Variants in SPOCK1 observed in about 807,000 individuals in gnomAD.
SPOCK1 encodes the protein SPARC (osteonectin), cwcv and kazal like domains proteoglycan 1, also known as testican-1.
A neutral mutation model predicts 55.3 loss-of-function variants in SPOCK1; 23 were observed. The ratio of observed to expected loss-of-function variants is 0.42; its 90% CI spans 0.30 to 0.59. SPOCK1 has a LOEUF of 0.59. Among genes scored for constraint, SPOCK1 ranks in the 20% least tolerant of loss-of-function variants. SPOCK1 has a pLI of 0.22. For missense variants in SPOCK1, 499 were observed against 552.5 expected, an observed-to-expected ratio of 0.90 and a Z score of 0.97; for synonymous variants, 226 against 221.0, an observed-to-expected ratio of 1.02 and a Z score of -0.20.
At chr5:137,460,714 A>G (rs903234750) in intron 2 of SPOCK1, among the ~76,000 whole-genome samples, 1 of 151,956 alleles carries the variant, frequency 6.6e-6, no homozygotes, top group Non-Finnish European at 1.5e-5. Context: ...ATAGAATCCA[A>G]TTCCTTACAC....
At chr5:137,048,780 G>A (rs1391383354) in intron 6 of SPOCK1, among the ~76,000 whole-genome samples, 3 of 116,936 alleles carry the variant, frequency 2.6e-5, no homozygotes, top group South Asian at 3.6e-4. Context: ...GGCTGGTATC[G>A]GTTGTTCCTT....
At chr5:137,279,562 C>T (rs1757131323) in intron 2 of SPOCK1, among the ~76,000 whole-genome samples, 1 of 152,158 alleles carries the variant, frequency 6.6e-6, no homozygotes, top group Non-Finnish European at 1.5e-5. Context: ...TGACAAAAGG[C>T]CGTGAAGCAT....
chr5:137,376,563 GA>G (rs1016383319), intron 2 of SPOCK1, among the ~76,000 whole-genome samples: 2 of 152,202 alleles, frequency 1.3e-5, no homozygotes, highest in African/African-American at 4.8e-5. Context: ...TTTTAAAAGG[GA>G]AATTATATCC....
intron 2 of SPOCK1, among the ~76,000 whole-genome samples, chr5:137,317,649 T>C (rs1409945005): frequency 2.0e-5 from 3 of 152,226 alleles, no homozygotes; most frequent in African/African-American, 7.2e-5. Context: ...CTTCACCATG[T>C]CTGACACGTC....
At chr5:137,320,918 T>C (rs956806947) in intron 2 of SPOCK1, among the ~76,000 whole-genome samples, 1 of 152,026 alleles carries the variant, frequency 6.6e-6, no homozygotes, top group African/African-American at 2.4e-5. Context: ...AAATTGGTCC[T>C]AAAGAAAAAG....
intron 2 of SPOCK1, among the ~76,000 whole-genome samples, chr5:137,377,573 T>A (rs1751345883): frequency 6.6e-6 from 1 of 152,244 alleles, no homozygotes; most frequent in South Asian, 2.1e-4. Context: ...AACAATTTGT[T>A]CCTGTTATTT....
chr5:137,494,293 C>T (rs1754251236), intron 2 of SPOCK1, among the ~76,000 whole-genome samples: 1 of 152,124 alleles, frequency 6.6e-6, no homozygotes, highest in East Asian at 1.9e-4. Context: ...CACGGGTTGC[C>T]CTCATTCATA....
chr5:137,341,966 G>A (rs1750439990), intron 2 of SPOCK1, among the ~76,000 whole-genome samples: 1 of 152,240 alleles, frequency 6.6e-6, no homozygotes, highest in African/African-American at 2.4e-5. Flanking sequence ...GGACTTCTCT[G>A]ATCCTTTACC....
intron 2 of SPOCK1, among the ~76,000 whole-genome samples, chr5:137,491,962 A>G (rs923832820): frequency 2.0e-5 from 3 of 152,234 alleles, no homozygotes; most frequent in African/African-American, 7.2e-5. Context: ...TCCACTTGCT[A>G]TCTATGATGC....
intron 2 of SPOCK1, among the ~76,000 whole-genome samples, chr5:137,380,354 A>C (rs926149543): frequency 6.6e-6 from 1 of 152,232 alleles, no homozygotes; most frequent in Admixed American, 6.5e-5. Flanking sequence ...ATGCAATATA[A>C]AGGAGACAGA....
intron 7 of SPOCK1, among the ~76,000 whole-genome samples, chr5:136,990,175 A>G (rs12153729): frequency 0.78 from 118,808 of 152,042 alleles, 48,062 homozygotes; most frequent in Non-Finnish European, 0.9. Context: ...CTCCCAAAGT[A>G]CTGGGATTAC....
Position 137,265,319 on chromosome 5 carries a change from T to C in SPOCK1, c.232+1691A>G, listed in dbSNP as rs537930234. Among the ~76,000 whole-genome samples, 27 of 152,366 alleles carry C rather than the reference T, an allele frequency of 1.8e-4. No homozygotes were observed. In the South Asian group the frequency reaches 3.9e-3, roughly 22 times the overall value. On this transcript the variant is annotated intron_variant, in intron 3 of 10. Coordinates refer to ENST00000394945, the MANE Select transcript of SPOCK1 (RefSeq NM_004598.4). Reference sequence around the variant, plus strand: ...GCAAGCTTTGGCAAAGAGTAATTTTTGACAGTTATTTAGGCAACATTTGAT... The same window carrying C: ...GCAAGCTTTGGCAAAGAGTAATTTTCGACAGTTATTTAGGCAACATTTGAT...
intron 6 of SPOCK1, among the ~76,000 whole-genome samples, chr5:137,005,324 T>G (rs1435303527): frequency 2.5e-5 from 2 of 79,566 alleles, no homozygotes; most frequent in Non-Finnish European, 5.8e-5. Context: ...AATAATAGCT[T>G]TTTTTTTTAA....
intron 2 of SPOCK1, among the ~76,000 whole-genome samples, chr5:137,356,198 T>C (rs1463314620): frequency 6.6e-6 from 1 of 152,154 alleles, no homozygotes; most frequent in African/African-American, 2.4e-5. Context: ...TCCATTTGCC[T>C]AACTCTAACT....
intron 3 of SPOCK1, among the ~76,000 whole-genome samples, chr5:137,154,201 C>A (rs1754370327): frequency 1.3e-5 from 2 of 152,268 alleles, no homozygotes; most frequent in East Asian, 3.9e-4. Flanking sequence ...GCAGGAGAAT[C>A]ACTTGAACCC....
intron 6 of SPOCK1, among the ~76,000 whole-genome samples, chr5:137,066,394 C>G (rs1752505485): frequency 6.6e-6 from 1 of 152,204 alleles, no homozygotes; most frequent in Non-Finnish European, 1.5e-5. Flanking sequence ...TCACCTTGGT[C>G]TCCCAAAGTG....
At chr5:137,476,167 T>A (rs1006643209) in intron 2 of SPOCK1, among the ~76,000 whole-genome samples, 1 of 152,130 alleles carries the variant, frequency 6.6e-6, no homozygotes, top group Non-Finnish European at 1.5e-5. Flanking sequence ...AACAGTTATT[T>A]TTCCTGATTC....
At chr5:137,253,611 C>G (rs886827037) in intron 3 of SPOCK1, among the ~76,000 whole-genome samples, 3 of 152,224 alleles carry the variant, frequency 2.0e-5, no homozygotes, top group African/African-American at 7.2e-5. Flanking sequence ...ATCAAACCAG[C>G]CATGTGGCTG....
chr5:137,051,272 A>C (rs560545108), intron 6 of SPOCK1, among the ~76,000 whole-genome samples: 1 of 152,346 alleles, frequency 6.6e-6, no homozygotes, highest in East Asian at 1.9e-4. Flanking sequence ...GCAATCTACG[A>C]ATGGGTCCTC....
Sources: allele counts gnomAD v4.1 joint callset (sites outside exome capture counted in the v4.1 genomes callset), GRCh38; gene constraint gnomAD v4.1.1; transcripts MANE v1.5; gene names NCBI Gene and HGNC (gene_info 2026-07-23, HGNC 2026-07-21).